CRYGS: variants seen among roughly 807,000 people sequenced by gnomAD.
CRYGS encodes crystallin gamma S.
Under a neutral mutation model 21.3 loss-of-function variants are expected in CRYGS, and 13 were observed. The ratio of observed to expected loss-of-function variants is 0.61; its 90% CI spans 0.40 to 0.97. The LOEUF is 0.97. CRYGS is among the 50% of genes least tolerant of loss of function. The pLI is 0.00. For missense variants in CRYGS, 205 were observed against 229.7 expected (o/e 0.89, Z 0.69); for synonymous variants, 67 against 75.0 (o/e 0.89, Z 0.55).
intron 2 of CRYGS, among the ~76,000 whole-genome samples, 156 bp from the exon 3 acceptor site, chr3:186,539,124 A>T (rs115903195): frequency 6.6e-6 from 1 of 152,204 alleles, no homozygotes; most frequent in South Asian, 2.1e-4. Context: ...GCTAACTTTC[A>T]ATAAGAAAAA....
intron 1 of CRYGS, among the ~76,000 whole-genome samples, chr3:186,543,303 C>A (rs1714110481): frequency 6.6e-6 from 1 of 152,050 alleles, no homozygotes; most frequent in South Asian, 2.1e-4. Flanking sequence ...GGGGAAAAGT[C>A]CACCATGAAG....
chr3:186,543,130 G>C (rs114431152), intron 1 of CRYGS, among the ~76,000 whole-genome samples: 2 of 152,110 alleles, frequency 1.3e-5, no homozygotes, highest in Admixed American at 6.6e-5. Context: ...AATCTAGATT[G>C]CAAGACTTTC....
rs1337080408 is a variant in CRYGS, at chr3:186,540,391, G to A, written c.22-794C>T. 5 of 152,174 alleles carry A rather than the reference G, an allele frequency of 3.3e-5. No individual in the cohort carries two copies. In the East Asian group the frequency reaches 9.6e-4, roughly 29 times the overall value. The allele number at this position is 152,174 out of a possible 1,614,324, so 9.4% of individuals were successfully genotyped here. ...CATCCAGCCACCTCTCTGAGCTTCA[G>A]CTTCCTATTTGAAGACTACAGCAGA... On this transcript the variant is annotated intron_variant, in intron 1 of 2. Transcript: ENST00000307944.
chr3:186,543,788 G>A (rs947990425), intron 1 of CRYGS, among the ~76,000 whole-genome samples: 7 of 152,120 alleles, frequency 4.6e-5, no homozygotes, highest in African/African-American at 1.7e-4. Flanking sequence ...TATTTTAGAG[G>A]CAATTTTCTG....
chr3:186,540,209 A>C (rs1714031872), intron 1 of CRYGS: 1 of 153,334 alleles, frequency 6.5e-6, no homozygotes, highest in South Asian at 2.0e-4. Context: ...AAGTAACAAA[A>C]TGATAAGAAT....
chr3:186,540,589 CT>C (rs199798383), intron 1 of CRYGS: 541 of 151,416 alleles, frequency 3.6e-3, no homozygotes, highest in Non-Finnish European at 5.8e-3. Flanking sequence ...ATCTTTTCAT[CT>C]TTTTTTTTTT....
In CRYGS at chr3:186,539,006, T is replaced by G. The variant is rs375010333; in HGVS notation, c.265-38A>C. On this transcript the variant is annotated intron_variant, in intron 2 of 2. Coordinates refer to ENST00000307944, the MANE Select transcript of CRYGS (RefSeq NM_017541.4). ...AGGAGAAAATGAACAGAAACCATTA[T>G]GGAAATCACCAGCAGGTCAAGAACT... 9.9e-6 allele frequency: 16 copies of G among 1,610,370 alleles called. No homozygotes were observed. The African/African-American group carries it at 1.9e-4, about 19-fold the overall frequency.
At chr3:186,543,386 T>C (rs77134270) in intron 1 of CRYGS, among the ~76,000 whole-genome samples, 1,855 of 152,256 alleles carry the variant, frequency 0.012, 31 homozygotes, top group African/African-American at 0.043. Context: ...TGATAACTCT[T>C]GGGGACATGC....
At chr3:186,543,719 C>T (rs550104451) in intron 1 of CRYGS, among the ~76,000 whole-genome samples, 1 of 152,088 alleles carries the variant, frequency 6.6e-6, no homozygotes, top group Non-Finnish European at 1.5e-5. Flanking sequence ...AAGCATATTC[C>T]CTCATTCCCA....
chr3:186,540,491 C>T (rs1294263185), intron 1 of CRYGS: 3 of 152,304 alleles, frequency 2.0e-5, no homozygotes. Context: ...TAGGAACTCC[C>T]AAGGATTCAC....
At chr3:186,540,071 A>C (rs1714022835) in intron 1 of CRYGS, 1 of 168,600 alleles carries the variant, frequency 5.9e-6, no homozygotes, top group Non-Finnish European at 1.3e-5. Flanking sequence ...TGGAGGATAC[A>C]TAGAGAAAAA....
rs192387054 is a variant in CRYGS at position 186,539,728 on chromosome 3, C to T, written c.22-131G>A. The T allele has an allele frequency of 7.3e-4, 763 of 1,051,586 alleles. 1 individual carries two copies. The highest frequency in any genetic ancestry group is 7.2e-4 in the Non-Finnish European group (517 of 719,732). The allele number at this position is 1,051,586 out of a possible 1,614,324, so 65.1% of individuals were successfully genotyped here. ...TTTTGAGGAAAAATATGTAGCTGTA[C>T]GTCACCTTACAACATTGCTTTCTGA... On this transcript the variant is annotated intron_variant, in intron 1 of 2. Coordinates refer to ENST00000307944, the MANE Select transcript of CRYGS (RefSeq NM_017541.4).
At chr3:186,542,675 C>T (rs1714096918) in intron 1 of CRYGS, among the ~76,000 whole-genome samples, 1 of 152,118 alleles carries the variant, frequency 6.6e-6, no homozygotes, top group Admixed American at 6.6e-5. Context: ...AAATAATTTA[C>T]TATCTCCTTT....
In CRYGS at chr3:186,539,430, T is replaced by C. The variant is rs200921733; in HGVS notation, c.189A>G (p.Pro63=). ...GCTGGTATTCAGGGTACTCTCCCTG[T>C]GGTAAGATGTACATGTACCCAGCAA... ...PNFAGYMYIL[P]QGEYPEYQRW... is the part of the protein sequence containing the mutation. Residue 63 remains proline, a synonymous_variant, in exon 2 of 3, where the codon CCA becomes CCG. Coordinates refer to ENST00000307944, the MANE Select transcript of CRYGS (RefSeq NM_017541.4). 4.8e-5 allele frequency: 78 copies of C among 1,612,328 alleles called. No individual in the cohort carries two copies. The highest frequency in any genetic ancestry group is 6.4e-5 in the Non-Finnish European group (75 of 1,180,018).
At chr3:186,542,231 C>T (rs577934553) in intron 1 of CRYGS, among the ~76,000 whole-genome samples, 1 of 152,320 alleles carries the variant, frequency 6.6e-6, no homozygotes, top group African/African-American at 2.4e-5. Flanking sequence ...GAAACAAAGC[C>T]CTCATCCTGT....
chr3:186,539,888 CT>C (rs1714019195), intron 1 of CRYGS: 2 of 389,692 alleles, frequency 5.1e-6, no homozygotes, highest in Admixed American at 7.5e-5. Flanking sequence ...GTTCCCACAG[CT>C]CTCTGTACTT....
chr3:186,543,201 G>A (rs896979274), intron 1 of CRYGS, among the ~76,000 whole-genome samples: 2 of 152,074 alleles, frequency 1.3e-5, no homozygotes, highest in Admixed American at 6.6e-5. Context: ...AAAGGGTAGA[G>A]GGACATTTTT....
chr3:186,543,693 G>C (rs755732720), intron 1 of CRYGS, among the ~76,000 whole-genome samples: 2 of 151,956 alleles, frequency 1.3e-5, no homozygotes, highest in Non-Finnish European at 2.9e-5. Context: ...CAGTGGAAGC[G>C]CAAAAAAGAA....
In CRYGS at chr3:186,544,366, T is replaced by C; in HGVS notation, c.-40A>G. On this transcript the variant is annotated 5_prime_UTR_variant, in exon 1 of 3. Coordinates refer to ENST00000307944, the MANE Select transcript of CRYGS (RefSeq NM_017541.4). ...CTGGTTTTCCCAGTGCTGAAAGAAA[T>C]TCAGGAATGGCTACAGAGAGTTAGA... is the stretch of plus-strand genomic sequence containing the variant. The C allele has an allele frequency of 6.8e-7, 1 of 1,461,410 alleles. No homozygotes were observed. Among genetic ancestry groups the C allele is most frequent in the East Asian group, 2.3e-5 (1 of 44,094 alleles). The allele number at this position is 1,461,410 out of a possible 1,614,324, so 90.5% of individuals were successfully genotyped here. A position where few individuals can be genotyped will look rare whatever the true frequency, so the allele number is the denominator to read the frequency against.
Sources: gnomAD v4.1 joint callset for allele counts (sites outside exome capture counted in the v4.1 genomes callset) on GRCh38, gnomAD v4.1.1 for gene constraint, MANE v1.5 for transcripts, NCBI Gene and HGNC (gene_info 2026-07-23, HGNC 2026-07-21) for gene names.